The following FMN1 variants were observed in gnomAD, a reference collection of about 807,000 sequenced individuals.
The protein encoded by FMN1 is formin-1.
FMN1 carries 110 observed loss-of-function variants against 132.4 expected under a neutral mutation model. The ratio of observed to expected loss-of-function variants is 0.83; its 90% CI spans 0.71 to 0.97. The LOEUF is 0.97. Ranked by LOEUF, FMN1 falls within the 50% of genes least tolerant of loss-of-function variation. The pLI, the probability that FMN1 is intolerant of heterozygous loss-of-function variation, is 0.00. For synonymous variants in FMN1, 722 were observed against 651.7 expected (o/e 1.11, Z -1.64); for missense variants, 1,792 against 1,705.3 (o/e 1.05, Z -0.90).
intron 17 of FMN1, among the ~76,000 whole-genome samples, chr15:32,833,654 T>C (rs1394591311): frequency 6.6e-6 from 1 of 152,152 alleles, no homozygotes; most frequent in African/African-American, 2.4e-5. Context: ...TGAAACCTGA[T>C]GAGATATCCA....
chr15:33,186,875 G>A (rs1361848577), intron 2 of FMN1, among the ~76,000 whole-genome samples: 2 of 152,188 alleles, frequency 1.3e-5, no homozygotes, highest in East Asian at 1.9e-4. Context: ...TCTCCCTGGA[G>A]CACTTCTCTT....
At chr15:33,066,945 C>G (rs200901863) in intron 5 of FMN1, 1 of 1,613,894 alleles carries the variant, frequency 6.2e-7, no homozygotes, top group South Asian at 1.1e-5. Flanking sequence ...GACTTCTGCA[C>G]AGGCTGCGTC....
intron 9 of FMN1, among the ~76,000 whole-genome samples, chr15:32,955,810 C>CGTGTGCGT (rs2061752974): frequency 2.7e-5 from 4 of 150,102 alleles, no homozygotes; most frequent in Non-Finnish European, 3.0e-5. Context: ...TGTGCGTGTG[C>CGTGTGCGT]GTGTGTGTGT....
chr15:33,058,710 A>G (rs560246583), intron 6 of FMN1, among the ~76,000 whole-genome samples: 2 of 152,276 alleles, frequency 1.3e-5, no homozygotes, highest in Non-Finnish European at 2.9e-5. Flanking sequence ...GCTCTACTTT[A>G]TTGTTCAGGT....
Position 32,856,886 on chromosome 15 carries a change from G to A in FMN1, c.3928+129C>T, listed in dbSNP as rs8032931. On this transcript the variant is annotated intron_variant, in intron 17 of 20. Transcript: ENST00000616417. ...GAGTATGTAACCACCATGGAAAGAT[G>A]GGCTAATGAAATCACCAGAGCTGCC... The A allele has an allele frequency of 0.55, 359,030 of 649,924 alleles. 103,405 individuals are homozygous for A. The highest frequency in any genetic ancestry group is 0.65 in the Middle Eastern group (1,805 of 2,770). The allele number at this position is 649,924 out of a possible 1,614,324, so 40.3% of individuals were successfully genotyped here. A position where few individuals can be genotyped will look rare whatever the true frequency, so the allele number is the denominator to read the frequency against.
intron 7 of FMN1, among the ~76,000 whole-genome samples, 198 bp downstream of exon 7, chr15:33,007,816 A>T (rs1016031059): frequency 2.0e-5 from 3 of 152,344 alleles, no homozygotes; most frequent in East Asian, 1.9e-4. Flanking sequence ...GGTATTTTTT[A>T]AAATTAGAAA....
Position 32,804,320 on chromosome 15 carries a change from T to C in FMN1, c.3941A>G (p.His1314Arg), listed in dbSNP as rs770767066. 2.6e-6 allele frequency: 4 copies of C among 1,563,494 alleles called. No homozygotes were observed. Among genetic ancestry groups the C allele is most frequent in the South Asian group, 2.4e-5 (2 of 84,786 alleles). ...CTCCAAGTGACTTTCTTCCATCTTA[T>C]GCTCTTTTTTGGCTGTAAAAGATAA... ...EEFFQKAKKEHKMEESHLENA... is the reference protein window; with the variant it reads ...EEFFQKAKKERKMEESHLENA... The change falls in exon 18 of 21, where the codon CAT becomes CGT. Residue 1314 changes from histidine to arginine, a missense_variant. Physicochemically the swap from His to Arg is conservative, Grantham distance 29. Transcript: ENST00000616417.
At chr15:33,030,928 C>T (rs1019298587) in intron 6 of FMN1, among the ~76,000 whole-genome samples, 28 of 152,142 alleles carry the variant, frequency 1.8e-4, no homozygotes, top group African/African-American at 5.1e-4. Flanking sequence ...ACCCATGAAC[C>T]GGTCATCTAC....
chr15:32,990,643 C>A (rs1564328), intron 7 of FMN1, among the ~76,000 whole-genome samples: 3,240 of 152,212 alleles, frequency 0.021, 83 homozygotes, highest in East Asian at 0.13. Context: ...GCTAAAAGAA[C>A]AACTGTATTA....
chr15:33,143,716 C>T (rs1213026791), intron 4 of FMN1, among the ~76,000 whole-genome samples: 4 of 152,066 alleles, frequency 2.6e-5, no homozygotes, highest in Non-Finnish European at 4.4e-5. Flanking sequence ...GCAGCCACTG[C>T]CTTATCACTG....
At chr15:33,115,491 GCCCCCC>G (rs11289173) in intron 4 of FMN1, among the ~76,000 whole-genome samples, 2,448 of 136,066 alleles carry the variant, frequency 0.018, 36 homozygotes, top group Non-Finnish European at 0.028. Context: ...TCATCCTTAA[GCCCCCC>G]CCCCCCACAC....
chr15:33,095,623 T>C (rs914779080), intron 4 of FMN1, among the ~76,000 whole-genome samples: 8 of 152,110 alleles, frequency 5.3e-5, no homozygotes, highest in Admixed American at 1.3e-4. Flanking sequence ...TCCTACCACC[T>C]TGGCCTCTCA....
At chr15:32,877,909 C>T (rs948648545) in intron 16 of FMN1, among the ~76,000 whole-genome samples, 2 of 151,912 alleles carry the variant, frequency 1.3e-5, no homozygotes, top group Non-Finnish European at 2.9e-5. Flanking sequence ...ACAACAAATA[C>T]GTGGAAAGTG....
At chr15:33,128,196 G>C (rs371296500) in intron 4 of FMN1, among the ~76,000 whole-genome samples, 1 of 151,870 alleles carries the variant, frequency 6.6e-6, no homozygotes. Flanking sequence ...TTGCTCCCGG[G>C]AAAAAAAGCA....
chr15:33,112,305 T>C (rs886121128), intron 4 of FMN1, among the ~76,000 whole-genome samples: 10 of 151,740 alleles, frequency 6.6e-5, no homozygotes, highest in African/African-American at 2.2e-4. Flanking sequence ...AAAATATTTT[T>C]ATATAATTTT....
At chr15:32,898,336 A>G (rs1392078538) in intron 15 of FMN1, among the ~76,000 whole-genome samples, 1 of 152,246 alleles carries the variant, frequency 6.6e-6, no homozygotes, top group Non-Finnish European at 1.5e-5. Flanking sequence ...AATTCTGCTC[A>G]GATGGACTCA....
chr15:33,020,208 G>C (rs345841), intron 6 of FMN1, among the ~76,000 whole-genome samples: 98,273 of 152,054 alleles, frequency 0.65, 32,735 homozygotes, highest in Non-Finnish European at 0.73. Flanking sequence ...CTTGCAGGAC[G>C]GAGCCCTCAA....
intron 19 of FMN1, among the ~76,000 whole-genome samples, chr15:32,778,407 T>C (rs912024588): frequency 1.3e-5 from 2 of 151,432 alleles, no homozygotes; most frequent in Non-Finnish European, 2.9e-5. Flanking sequence ...ATATACCTGA[T>C]AGAAACTTGT....
chr15:33,116,572 C>G (rs1189562296), intron 4 of FMN1, among the ~76,000 whole-genome samples: 2 of 151,856 alleles, frequency 1.3e-5, no homozygotes, highest in Non-Finnish European at 1.5e-5. Context: ...TTTAGTTTGT[C>G]GAAAGTTTTT....
Sources: allele counts gnomAD v4.1 joint callset (sites outside exome capture counted in the v4.1 genomes callset), GRCh38; gene constraint gnomAD v4.1.1; transcripts MANE v1.5; gene names NCBI Gene and HGNC (gene_info 2026-07-23, HGNC 2026-07-21).